Variants in DRC3 observed in about 807,000 individuals in gnomAD.
The protein encoded by DRC3 is leucine rich repeat containing 48.
Under a neutral mutation model 57.6 loss-of-function variants are expected in DRC3, and 45 were observed. The observed-to-expected ratio is 0.78, with a 90% confidence interval of 0.62 to 1.00. The LOEUF is 1.00. Among genes scored for constraint, DRC3 ranks in the 50% least tolerant of loss-of-function variants. The pLI, the probability that DRC3 is intolerant of heterozygous loss-of-function variation, is 0.00. For synonymous variants in DRC3, 257 were observed against 272.3 expected, an observed-to-expected ratio of 0.94 and a Z score of 0.55; for missense variants, 655 against 675.2, an observed-to-expected ratio of 0.97 and a Z score of 0.33.
intron 4 of DRC3, among the ~76,000 whole-genome samples, chr17:17,987,695 C>T (rs970514543): frequency 2.6e-5 from 4 of 152,128 alleles, no homozygotes; most frequent in Admixed American, 1.3e-4. Flanking sequence ...GCCCACATGT[C>T]CCCAGCCAGG....
At chr17:17,981,213 G>T (rs1025827054) in intron 3 of DRC3, 2 of 252,094 alleles carry the variant, frequency 7.9e-6, no homozygotes, top group Admixed American at 4.2e-5. Context: ...TGCAGTTGGG[G>T]CATCTTTGCT....
chr17:17,994,118 G>T (rs760841458), intron 6 of DRC3, 181 bp from the exon 7 acceptor site: 1 of 727,096 alleles, frequency 1.4e-6, no homozygotes, highest in Middle Eastern at 4.0e-4. Flanking sequence ...CCTGGTGAGG[G>T]TCATCAGGAG....
Position 18,000,071 on chromosome 17 carries a change from T to C in DRC3, c.999+2437T>C, listed in dbSNP as rs1272388038. On this transcript the variant is annotated intron_variant, in intron 9 of 13. Transcript: ENST00000399187. ...GCATAGCATGCCCTGTTTTGTACTT[T>C]GCTTTCGTGTGTGTGTGTGTGTGTG... Among the ~76,000 whole-genome samples the C allele has an allele frequency of 3.3e-5, 5 of 149,438 alleles. No individual in the cohort carries two copies. In the East Asian group the frequency reaches 9.9e-4, roughly 30 times the overall value.
intron 9 of DRC3, among the ~76,000 whole-genome samples, chr17:18,002,646 G>A (rs994428996): frequency 2.0e-5 from 3 of 152,124 alleles, no homozygotes; most frequent in Non-Finnish European, 2.9e-5. Context: ...CCTTTTATAG[G>A]AGACTCCGGT....
intron 4 of DRC3, among the ~76,000 whole-genome samples, chr17:17,986,674 G>A (rs1428869646): frequency 6.6e-6 from 1 of 151,994 alleles, no homozygotes; most frequent in Non-Finnish European, 1.5e-5. Flanking sequence ...GGTTGGCCAG[G>A]CTGGTCTGGA....
chr17:17,982,563 C>A (rs1341343167), intron 3 of DRC3, among the ~76,000 whole-genome samples: 3 of 148,010 alleles, frequency 2.0e-5, no homozygotes, highest in South Asian at 2.2e-4. Context: ...TATTTCAGTT[C>A]TTTTAATGAG....
chr17:17,994,418 G>A lies in DRC3; in HGVS notation c.711G>A (p.Lys237=), dbSNP rs1258446211. ...AGCGGGAGGAGCTAGAGAAGCACAA[G>A]GTACCGTTCCGGCAGGCTGCACGCC... ...QAQREELEKH[K]TAFVEHLNGS... is the part of the protein sequence containing the mutation. Residue 237 remains lysine (K), a splice_region_variant and synonymous_variant, in exon 7 of 14, where the codon AAG becomes AAA. Coordinates refer to ENST00000399187, the MANE Select transcript of DRC3 (RefSeq NM_031294.4). The A allele has an allele frequency of 1.9e-6, 3 of 1,551,742 alleles. No homozygotes were observed. Among genetic ancestry groups the A allele is most frequent in the Non-Finnish European group, 2.6e-6 (3 of 1,147,374 alleles).
chr17:17,982,580 CTT>C (rs200264642), intron 3 of DRC3, among the ~76,000 whole-genome samples: 20 of 133,624 alleles, frequency 1.5e-4, no homozygotes, highest in Admixed American at 3.1e-4. Context: ...TGAGCATATT[CTT>C]TTTTTTTTTT....
rs751283013 is a variant in DRC3 at position 17,983,935 on chromosome 17, G to A, written c.268G>A (p.Val90Ile). ...GGGCCTGGAGAACCTCGCACACCTG[G>A]TCTGGCTGGGTAAGGCCCTTTCCTC... is the stretch of plus-strand genomic sequence containing the variant. ...IEGLENLAHL[V>I]WLDLSFNNIE... is the part of the protein sequence containing the mutation. Residue 90 changes from valine to isoleucine, a missense_variant, in exon 4 of 14, where the codon GTC becomes ATC. Physicochemically the swap from Val to Ile is conservative, Grantham distance 29. Transcript: ENST00000399187. 5.0e-6 allele frequency: 8 copies of A among 1,609,414 alleles called. No individual in the cohort carries two copies. The highest frequency in any genetic ancestry group is 1.7e-5 in the Admixed American group (1 of 59,924).
chr17:18,006,442 T>A, intron 11 of DRC3, 189 bp downstream of exon 11: 1 of 598,030 alleles, frequency 1.7e-6, no homozygotes. Context: ...TGCAGTAGGC[T>A]CCCAGCATGA....
chr17:17,995,228 A>C, intron 8 of DRC3, 117 bp downstream of exon 8: 2 of 703,180 alleles, frequency 2.8e-6, no homozygotes, highest in South Asian at 3.5e-5. Flanking sequence ...TGGGAGGTAA[A>C]ATCTCCACTT....
intron 12 of DRC3, chr17:18,011,424 C>A: frequency 3.7e-6 from 1 of 272,112 alleles, no homozygotes; most frequent in South Asian, 3.2e-5. Flanking sequence ...CTGTCCTGAC[C>A]AAGCTCTCTA....
intron 12 of DRC3, chr17:18,010,797 G>A (rs181204363): frequency 2.5e-5 from 8 of 314,674 alleles, no homozygotes; most frequent in Admixed American, 1.6e-4. Context: ...TCCAGGCAAA[G>A]GAGTGGATGC....
At chr17:18,007,376 G>A in intron 12 of DRC3, 1 of 1,551,036 alleles carries the variant, frequency 6.4e-7, no homozygotes, top group South Asian at 1.2e-5. Flanking sequence ...ATGATAATTA[G>A]ATGGTTTCAA....
intron 3 of DRC3, among the ~76,000 whole-genome samples, chr17:17,978,869 G>A (rs1027830325): frequency 5.9e-5 from 9 of 152,250 alleles, no homozygotes; most frequent in African/African-American, 1.7e-4. Context: ...GCCAGGTACT[G>A]TTCTGAGCAC....
At position 18,008,585 on chromosome 17, in the gene DRC3, A is replaced by T. The variant is rs546927015; in HGVS notation, c.1326+1438A>T. Among the ~76,000 whole-genome samples the T allele has an allele frequency of 6.6e-6, 1 of 152,332 alleles. No homozygotes were observed. The highest frequency in any genetic ancestry group is 2.4e-5 in the African/African-American group (1 of 41,586). ...ATGGGGCTAAGTCTTGCAGACACAC[A>T]GGACCAGCAGTCCCTGACTTCCACA... On this transcript the variant is annotated intron_variant, in intron 12 of 13. Coordinates refer to ENST00000399187, the MANE Select transcript of DRC3 (RefSeq NM_031294.4). The surrounding 1 kb of genome is among the most constrained non-coding windows in gnomAD (Gnocchi z 4.3).
intron 4 of DRC3, 106 bp downstream of exon 4, chr17:17,984,050 C>T: frequency 1.5e-6 from 1 of 683,520 alleles, no homozygotes; most frequent in Admixed American, 2.7e-5. Context: ...AGCTGCTGGC[C>T]CATCATTAGC....
intron 5 of DRC3, 60 bp from the exon 6 acceptor site, chr17:17,992,705 G>A: frequency 1.3e-6 from 2 of 1,556,420 alleles, no homozygotes; most frequent in Non-Finnish European, 1.7e-6. Context: ...GGGAGGTGCA[G>A]CTGTGTTTTC....
chr17:17,985,705 G>T (rs1177123824), intron 4 of DRC3, among the ~76,000 whole-genome samples: 5 of 152,172 alleles, frequency 3.3e-5, no homozygotes, highest in Non-Finnish European at 7.3e-5. Flanking sequence ...ACAGAAATGA[G>T]CAAGCACCTC....
Sources: allele counts gnomAD v4.1 joint callset (sites outside exome capture counted in the v4.1 genomes callset), GRCh38; gene constraint gnomAD v4.1.1; non-coding constraint Gnocchi (gnomAD v3.1); transcripts MANE v1.5; gene names NCBI Gene and HGNC (gene_info 2026-07-23, HGNC 2026-07-21).